Variants in LGI3 observed in about 807,000 individuals in gnomAD.
LGI3 encodes leucine rich repeat LGI family member 3.
Under a neutral mutation model 55.4 loss-of-function variants are expected in LGI3, and 47 were observed. The observed-to-expected ratio is 0.85, with a 90% confidence interval of 0.67 to 1.08. The LOEUF (loss-of-function observed/expected upper bound fraction) is 1.08. Among genes scored for constraint, LGI3 ranks in the 50% least tolerant of loss-of-function variants. The probability of loss-of-function intolerance (pLI) is 0.00; values close to 1 mark genes in which losing one functional copy is unlikely to be tolerated. For missense variants in LGI3, 664 were observed against 726.3 expected (o/e 0.91, Z 0.99); for synonymous variants, 326 against 315.0 (o/e 1.04, Z -0.37).
chr8:22,155,507 G>T (rs1415460860), intron 1 of LGI3, 44 bp from the exon 2 acceptor site: 5 of 1,544,238 alleles, frequency 3.2e-6, no homozygotes, highest in Non-Finnish European at 4.5e-6. Flanking sequence ...TGCAAGGGCT[G>T]TGCTGAGGCA....
At chr8:22,149,017 C>A (rs772836964) in intron 7 of LGI3, 40 bp from the exon 8 acceptor site, 3 of 1,476,528 alleles carry the variant, frequency 2.0e-6, no homozygotes, top group Non-Finnish European at 1.8e-6. Flanking sequence ...GGCAGGCCGG[C>A]GGCTCCCACT....
chr8:22,154,615 T>C lies in LGI3; in HGVS notation c.295A>G (p.Lys99Glu). 1 of 1,613,474 alleles carries C rather than the reference T, an allele frequency of 6.2e-7. No homozygotes were observed. The highest frequency in any genetic ancestry group is 1.7e-5 in the Admixed American group (1 of 60,016). The change falls in exon 3 of 8, where the codon AAG becomes GAG. Residue 99 changes from lysine (K) to glutamate (E), a missense_variant. Transcript: ENST00000306317. ...LLQFLLLNSN[K>E]FTLIGDNAFT... ...GCGTTGTCTCCAATCAGTGTAAACTTGTTGGAGTTGAGTAACCTGCAGAGA... is the reference window on the plus strand; with the variant it reads ...GCGTTGTCTCCAATCAGTGTAAACTCGTTGGAGTTGAGTAACCTGCAGAGA...
At chr8:22,153,789 C>T (rs1224340467) in intron 5 of LGI3, among the ~76,000 whole-genome samples, 179 bp downstream of exon 5, 1 of 151,918 alleles carries the variant, frequency 6.6e-6, no homozygotes, top group Admixed American at 6.6e-5. Flanking sequence ...AGAGAAACTC[C>T]AATTTGGAAG....
In LGI3 at chr8:22,151,959, T is replaced by G. The variant is rs1452016400; in HGVS notation, c.536A>C (p.Lys179Thr). ...GTGTGCCAGCCACTCCACCAACCAC[T>G]TCACCTTGCAGTCACAGTTGAGTGA... is the stretch of plus-strand genomic sequence containing the variant. Reference protein sequence around the residue: ...GNSLNCDCKVKWLVEWLAHTN... With the variant: ...GNSLNCDCKVTWLVEWLAHTN... Residue 179 changes from lysine to threonine, a missense_variant, in exon 6 of 8, where the codon AAG (lysine) becomes ACG (threonine). By Grantham distance (78) the Lys-to-Thr change is moderately conservative. Transcript: ENST00000306317. 6.2e-7 allele frequency: 1 copy of G among 1,611,798 alleles called. No individual in the cohort carries two copies.
intron 7 of LGI3, among the ~76,000 whole-genome samples, chr8:22,150,593 C>T (rs1258452274): frequency 2.6e-5 from 4 of 151,938 alleles, no homozygotes; most frequent in African/African-American, 7.3e-5. Context: ...CTCCTGACCT[C>T]GTGATCCACC....
At chr8:22,155,351 C>T (rs770867766) in intron 2 of LGI3, 41 bp downstream of exon 2, 1 of 1,590,362 alleles carries the variant, frequency 6.3e-7, no homozygotes, top group Admixed American at 1.7e-5. Context: ...CTGCTACCAC[C>T]CCATAGTTCC....
chr8:22,155,457 C>G lies in LGI3; in HGVS notation c.213G>C (p.Leu71=). 6.2e-7 allele frequency: 1 copy of G among 1,613,776 alleles called. No homozygotes were observed. The highest frequency in any genetic ancestry group is 8.5e-7 in the Non-Finnish European group (1 of 1,179,982). ...GGATCTCTGAGAAGGCGGCATTCACCAGGGTCCTGCGGGGACACCCGAGTC... is the reference window on the plus strand; with the variant it reads ...GGATCTCTGAGAAGGCGGCATTCACGAGGGTCCTGCGGGGACACCCGAGTC... The part of the protein sequence containing the change: ...NLPSEVISLT[L]VNAAFSEIQD... Residue 71 remains leucine, a synonymous_variant, in exon 2 of 8, where the codon CTG becomes CTC. Transcript: ENST00000306317.
At chr8:22,151,688 G>C in intron 6 of LGI3, 35 bp from the exon 7 acceptor site, 1 of 1,607,358 alleles carries the variant, frequency 6.2e-7, no homozygotes, top group East Asian at 2.2e-5. Flanking sequence ...GAAGACCAGA[G>C]GGAGAAGGGA....
At position 22,148,003 on chromosome 8, in the gene LGI3, G is replaced by T; in HGVS notation, c.*157C>A. 1.5e-6 allele frequency: 1 copy of T among 658,060 alleles called. No homozygotes were observed. The highest frequency in any genetic ancestry group is 2.6e-6 in the Non-Finnish European group (1 of 382,736). The allele number at this position is 658,060 out of a possible 1,614,324, so 40.8% of individuals were successfully genotyped here. A position where few individuals can be genotyped will look rare whatever the true frequency, so the allele number is the denominator to read the frequency against. ...TGATGATGCACGTCCTCCTGGGCCA[G>T]TCCACGGGGTGCGCCTGTACACACT... is the stretch of plus-strand genomic sequence containing the variant. On this transcript the variant is annotated 3_prime_UTR_variant, in exon 8 of 8. Coordinates refer to ENST00000306317, the MANE Select transcript of LGI3 (RefSeq NM_139278.4). The surrounding 1 kb of genome is among the most constrained non-coding windows in gnomAD (Gnocchi z 7.0).
chr8:22,151,090 T>C (rs1827371513), intron 7 of LGI3, among the ~76,000 whole-genome samples: 2 of 152,138 alleles, frequency 1.3e-5, no homozygotes, highest in South Asian at 4.1e-4. Flanking sequence ...GATCCAAAAC[T>C]GCTCAACAGT....
intron 2 of LGI3, 113 bp downstream of exon 2, chr8:22,155,279 C>T: frequency 1.1e-6 from 1 of 950,116 alleles, no homozygotes; most frequent in Middle Eastern, 2.2e-4. Context: ...GGGACACCTG[C>T]ATCTTCGTCT....
chr8:22,149,312 A>C (rs1356386751), intron 7 of LGI3, among the ~76,000 whole-genome samples: 1 of 152,216 alleles, frequency 6.6e-6, no homozygotes, highest in African/African-American at 2.4e-5. Flanking sequence ...CACTGTGCTG[A>C]ATGTAAGCAC....
rs781148143 is a variant in LGI3 at position 22,148,834 on chromosome 8, G to C, written c.973C>G (p.Arg325Gly). 1 of 1,614,168 alleles carries C rather than the reference G, an allele frequency of 6.2e-7. No individual in the cohort carries two copies. The highest frequency in any genetic ancestry group is 1.1e-5 in the South Asian group (1 of 91,084). The change falls in exon 8 of 8, where the codon CGC (arginine) becomes GGC (glycine). Residue 325 changes from arginine to glycine, a missense_variant. By Grantham distance (125) the Arg-to-Gly change is moderately radical. Coordinates refer to ENST00000306317, the MANE Select transcript of LGI3 (RefSeq NM_139278.4). This position sits in a 1 kb window ranked among gnomAD's most constrained non-coding sequence, Gnocchi z 7.0. ...FTRLQDIDPQ[R>G]VRKPNDLEAF... ...TCTAGGTCGTTAGGCTTGCGCACGC[G>C]CTGCGGGTCAATGTCTTGCAGCCTG...
Position 22,148,856 on chromosome 8 carries a change from C to G in LGI3, c.951G>C (p.Arg317Ser). The change falls in exon 8 of 8, where the codon AGG becomes AGC. Residue 317 changes from arginine (R) to serine (S), a missense_variant. Physicochemically the swap from Arg to Ser is moderately radical, Grantham distance 110. Transcript: ENST00000306317. This position sits in a 1 kb window ranked among gnomAD's most constrained non-coding sequence, Gnocchi z 7.0. Reference sequence around the variant, plus strand: ...CGCGCTGCGGGTCAATGTCTTGCAGCCTGGTGAAGCGCGTGGTGTTGGGAT... The same window carrying G: ...CGCGCTGCGGGTCAATGTCTTGCAGGCTGGTGAAGCGCGTGGTGTTGGGAT... ...HWDPNTTRFT[R>S]LQDIDPQRVR... The G allele has an allele frequency of 1.2e-6, 2 of 1,614,182 alleles. No individual in the cohort carries two copies. The highest frequency in any genetic ancestry group is 1.7e-6 in the Non-Finnish European group (2 of 1,180,032).
At chr8:22,151,446 T>G in intron 7 of LGI3, 43 bp downstream of exon 7, 8 of 1,587,900 alleles carry the variant, frequency 5.0e-6, no homozygotes, top group Non-Finnish European at 6.9e-6. Flanking sequence ...CACTCCCCCC[T>G]CCCCCTAGCA....
chr8:22,156,052 C>G (rs1394255045), intron 1 of LGI3, among the ~76,000 whole-genome samples: 1 of 152,222 alleles, frequency 6.6e-6, no homozygotes, highest in Admixed American at 6.5e-5. Flanking sequence ...AGCAACCCCC[C>G]CAAGTCTGGA....
intron 2 of LGI3, chr8:22,154,877 C>T: frequency 1.9e-6 from 1 of 538,600 alleles, no homozygotes; most frequent in Non-Finnish European, 3.3e-6. Context: ...CTTGTCAAGC[C>T]AGCTCCTGGT....
chr8:22,148,058 C>T lies in LGI3; in HGVS notation c.*102G>A. ...GTGTGCGGATACAAGGGCATGAATG[C>T]AGGTTGGTCGCTTGTCTTCACACAG... On this transcript the variant is annotated 3_prime_UTR_variant, in exon 8 of 8. Coordinates refer to ENST00000306317, the MANE Select transcript of LGI3 (RefSeq NM_139278.4). The surrounding 1 kb of genome is among the most constrained non-coding windows in gnomAD (Gnocchi z 7.0). 4 of 955,664 alleles carry T rather than the reference C, an allele frequency of 4.2e-6. No individual in the cohort carries two copies. Among genetic ancestry groups the T allele is most frequent in the Non-Finnish European group, 6.3e-6 (4 of 634,908 alleles). 59.2% of individuals were successfully genotyped at this position (955,664 alleles called of 1,614,324 possible). A position where few individuals can be genotyped will look rare whatever the true frequency, so the allele number is the denominator to read the frequency against.
Position 22,148,071 on chromosome 8 carries a change from T to G in LGI3, c.*89A>C, listed in dbSNP as rs1407719776. On this transcript the variant is annotated 3_prime_UTR_variant, in exon 8 of 8. Coordinates refer to ENST00000306317, the MANE Select transcript of LGI3 (RefSeq NM_139278.4). The surrounding 1 kb of genome is among the most constrained non-coding windows in gnomAD (Gnocchi z 7.0). ...AGGGCATGAATGCAGGTTGGTCGCT[T>G]GTCTTCACACAGGCATACGTGGTGC... is the stretch of plus-strand genomic sequence containing the variant. 2.6e-6 allele frequency: 3 copies of G among 1,168,186 alleles called. No individual in the cohort carries two copies. Among genetic ancestry groups the G allele is most frequent in the Non-Finnish European group, 3.6e-6 (3 of 827,516 alleles). The allele number at this position is 1,168,186 out of a possible 1,614,324, so 72.4% of individuals were successfully genotyped here. A position where few individuals can be genotyped will look rare whatever the true frequency, so the allele number is the denominator to read the frequency against.
Sources: gnomAD v4.1 joint callset for allele counts (sites outside exome capture counted in the v4.1 genomes callset) on GRCh38, gnomAD v4.1.1 for gene constraint, Gnocchi (gnomAD v3.1) non-coding constraint, MANE v1.5 for transcripts, NCBI Gene and HGNC (gene_info 2026-07-23, HGNC 2026-07-21) for gene names.